The following ARVCF variants were observed in gnomAD, a reference collection of about 807,000 sequenced individuals.
ARVCF encodes ARVCF delta catenin family member.
ARVCF carries 66 observed loss-of-function variants against 90.9 expected under a neutral mutation model. That is an observed-to-expected ratio of 0.73 (90% confidence interval 0.60 to 0.89). The LOEUF is 0.89. ARVCF is among the 40% of genes least tolerant of loss of function. The pLI is 0.00. For synonymous variants in ARVCF, 653 were observed against 603.4 expected, an observed-to-expected ratio of 1.08 and a Z score of -1.21; for missense variants, 1,469 against 1,382.3, an observed-to-expected ratio of 1.06 and a Z score of -1.00.
At chr22:20,011,025 T>C (rs557590669) in intron 1 of ARVCF, among the ~76,000 whole-genome samples, 154 of 152,332 alleles carry the variant, frequency 1.0e-3, no homozygotes, top group Non-Finnish European at 2.0e-3. Flanking sequence ...CAGTCTCCAG[T>C]ACAGGGAGGG....
chr22:19,986,944 G>A lies in ARVCF; in HGVS notation c.210+3641C>T, dbSNP rs564833438. On this transcript the variant is annotated intron_variant, in intron 3 of 19. Transcript: ENST00000263207. The stretch of plus-strand genomic sequence containing the variant: ...CCAGCCTGACGCAGCCCAGCCAGGG[G>A]CGCAAGACAATAGCTGCCTCGGGCC... 11 of 567,110 alleles carry A rather than the reference G, an allele frequency of 1.9e-5. No homozygotes were observed. In the East Asian group the frequency reaches 3.8e-4, roughly 20 times the overall value. The allele number at this position is 567,110 out of a possible 1,614,324, so 35.1% of individuals were successfully genotyped here. A position where few individuals can be genotyped will look rare whatever the true frequency, so the allele number is the denominator to read the frequency against.
In ARVCF at chr22:19,990,583, ACCTGGAGGACCAGCTGTTG is replaced by A; in HGVS notation, c.193_210+1del. The A allele has an allele frequency of 6.2e-7, 1 of 1,604,888 alleles. No individual in the cohort carries two copies. The highest frequency in any genetic ancestry group is 8.5e-7 in the Non-Finnish European group (1 of 1,174,768). ...ACCCTTCCCAAGTCACTAGGCTGTTACCTGGAGGACCAGCTGTTGCCAGGCCATTGGCAGGGGCTGCCCA... is the reference window on the plus strand; with the variant it reads ...ACCCTTCCCAAGTCACTAGGCTGTTACCAGGCCATTGGCAGGGGCTGCCCA... On this transcript the variant is annotated splice_donor_variant and coding_sequence_variant, in exon 3 of 20. Transcript: ENST00000263207. LOFTEE classifies it high-confidence loss of function.
At chr22:20,004,427 G>A (rs12171109) in intron 2 of ARVCF, among the ~76,000 whole-genome samples, 45,091 of 150,858 alleles carry the variant, frequency 0.3, 8,228 homozygotes, top group African/African-American at 0.51. Context: ...GTTCAAGGCC[G>A]CAGTAAGCTA....
chr22:20,002,254 C>T (rs1944472303), intron 2 of ARVCF, among the ~76,000 whole-genome samples: 1 of 152,194 alleles, frequency 6.6e-6, no homozygotes, highest in African/African-American at 2.4e-5. Flanking sequence ...TGCGCTGTGT[C>T]CACTTCGAGG....
chr22:20,000,410 C>T (rs1569187928), intron 2 of ARVCF, among the ~76,000 whole-genome samples: 1 of 152,246 alleles, frequency 6.6e-6, no homozygotes, highest in African/African-American at 2.4e-5. Context: ...CAAAGTCCTG[C>T]CTTTCATATG....
At chr22:19,966,900 G>A, downstream of ARVCF, 1 of 974,530 alleles carries the variant, frequency 1.0e-6, no homozygotes, top group Non-Finnish European at 1.2e-6. Flanking sequence ...CCTCAGCATA[G>A]TGTCACCTGC....
At chr22:19,987,183 G>C (rs892573814) in intron 3 of ARVCF, 3 of 420,032 alleles carry the variant, frequency 7.1e-6, no homozygotes, top group Non-Finnish European at 1.3e-5. Context: ...CTCGGGCTCA[G>C]GCTCGGCGGA....
chr22:19,975,666 C>T lies in ARVCF; in HGVS notation c.1960+20G>A, dbSNP rs1287734778. ...CCCAGACATCCCCCAGTGGAGCTGG[C>T]TTCATCTCAGCCCACTCACCTTTGG... On this transcript the variant is annotated intron_variant, in intron 11 of 19. Coordinates refer to ENST00000263207, the MANE Select transcript of ARVCF (RefSeq NM_001670.3). 1 of 1,613,316 alleles carries T rather than the reference C, an allele frequency of 6.2e-7. No homozygotes were observed. Among genetic ancestry groups the T allele is most frequent in the East Asian group, 2.2e-5 (1 of 44,868 alleles).
rs748432152 is a variant in ARVCF, at chr22:19,981,319, T to A, written c.788A>T (p.Asp263Val). ...RFQAEPYGLE[D>V]DTRSLAADDE... Reference sequence around the variant, plus strand: ...ATCAGCGGCCAGGCTGCGCGTGTCATCCTCCAAGCCATACGGCTCTGCCTG... The same window carrying A: ...ATCAGCGGCCAGGCTGCGCGTGTCAACCTCCAAGCCATACGGCTCTGCCTG... The change falls in exon 5 of 20, where the codon GAT becomes GTT. Residue 263 changes from aspartate to valine, a missense_variant. Coordinates refer to ENST00000263207, the MANE Select transcript of ARVCF (RefSeq NM_001670.3). 1 of 1,601,298 alleles carries A rather than the reference T, an allele frequency of 6.2e-7. No individual in the cohort carries two copies. Among genetic ancestry groups the A allele is most frequent in the East Asian group, 2.3e-5 (1 of 44,040 alleles).
In ARVCF at chr22:19,977,997, G is replaced by A. The variant is rs544481391; in HGVS notation, c.1659C>T (p.Ala553=). 6.2e-6 allele frequency: 10 copies of A among 1,611,752 alleles called. No homozygotes were observed. In the African/African-American group the frequency reaches 9.3e-5, roughly 15 times the overall value. The part of the protein sequence containing the change: ...CEGLVDALLH[A]LQSAVGRKDT... ...CCTTCCGGCCCACAGCCGACTGCAG[G>A]GCATGCAGGAGCGCGTCCACCAGCC... The change falls in exon 8 of 20, where the codon GCC becomes GCT. Residue 553 remains alanine (A), a synonymous_variant. Coordinates refer to ENST00000263207, the MANE Select transcript of ARVCF (RefSeq NM_001670.3).
At chr22:20,006,623 A>G (rs117164455) in intron 2 of ARVCF, among the ~76,000 whole-genome samples, 127 of 149,730 alleles carry the variant, frequency 8.5e-4, no homozygotes, top group Middle Eastern at 3.4e-3. Flanking sequence ...AAGAAATTGC[A>G]TAATACCCTT....
intron 2 of ARVCF, among the ~76,000 whole-genome samples, chr22:20,009,294 T>G (rs940140568): frequency 1.3e-5 from 2 of 152,152 alleles, no homozygotes; most frequent in African/African-American, 4.8e-5. Flanking sequence ...CAGACCCAGC[T>G]CCCACTAGGC....
intron 2 of ARVCF, among the ~76,000 whole-genome samples, chr22:19,996,410 G>A (rs998984458): frequency 2.0e-5 from 3 of 152,180 alleles, no homozygotes; most frequent in Admixed American, 1.3e-4. Flanking sequence ...ATGAAATGAC[G>A]GGTGCTGGCG....
rs767587957 is a variant in ARVCF at position 19,973,266 on chromosome 22, G to T, written c.2291C>A (p.Pro764Gln). 1 of 1,608,658 alleles carries T rather than the reference G, an allele frequency of 6.2e-7. No individual in the cohort carries two copies. Among genetic ancestry groups the T allele is most frequent in the Non-Finnish European group, 8.5e-7 (1 of 1,178,848 alleles). ...CTCCAGGCAGGCCCCCGGTCGCGGC[G>T]GAGCCTGTGCATTGCGCACATTCCG... Reference protein sequence around the residue: ...LVRNVRNAQAPPRPGACLEED... With the variant: ...LVRNVRNAQAQPRPGACLEED... Residue 764 changes from proline to glutamine, a missense_variant, in exon 14 of 20, where the codon CCG becomes CAG. Pro to Gln is a moderately conservative substitution (Grantham distance 76, BLOSUM62 -1). Coordinates refer to ENST00000263207, the MANE Select transcript of ARVCF (RefSeq NM_001670.3).
intron 2 of ARVCF, among the ~76,000 whole-genome samples, chr22:19,998,550 A>G (rs1307900392): frequency 6.6e-6 from 1 of 152,134 alleles, no homozygotes; most frequent in African/African-American, 2.4e-5. Context: ...CGGACAGCCC[A>G]GGAGGCCAGG....
chr22:19,975,538 C>G, intron 11 of ARVCF, 148 bp downstream of exon 11: 1 of 816,900 alleles, frequency 1.2e-6, no homozygotes, highest in Non-Finnish European at 1.9e-6. Context: ...CTGAATCACC[C>G]TCCAGGAAAT....
intron 2 of ARVCF, among the ~76,000 whole-genome samples, chr22:20,009,678 A>G (rs1373123768): frequency 6.6e-6 from 1 of 152,224 alleles, no homozygotes; most frequent in Non-Finnish European, 1.5e-5. Context: ...TGAGCAGGGT[A>G]TGCCTTACCA....
At chr22:19,990,118 A>G (rs1216353947) in intron 3 of ARVCF, among the ~76,000 whole-genome samples, 1 of 152,162 alleles carries the variant, frequency 6.6e-6, no homozygotes, top group Non-Finnish European at 1.5e-5. Context: ...GAGGCTGAGT[A>G]GGGGCCGGAG....
At chr22:19,993,311 T>C (rs1944099776) in intron 2 of ARVCF, among the ~76,000 whole-genome samples, 1 of 152,256 alleles carries the variant, frequency 6.6e-6, no homozygotes, top group Admixed American at 6.5e-5. Flanking sequence ...CAAGGGATCC[T>C]GGCCCAGAAC....
Sources: gnomAD v4.1 joint callset for allele counts (sites outside exome capture counted in the v4.1 genomes callset) on GRCh38, gnomAD v4.1.1 for gene constraint, MANE v1.5 for transcripts, NCBI Gene and HGNC (gene_info 2026-07-23, HGNC 2026-07-21) for gene names.